CD9: variants seen among roughly 807,000 people sequenced by gnomAD.
CD9 encodes the protein CD9 molecule.
In CD9, 10 loss-of-function variants were observed where a neutral mutation model predicts 31.4. The observed-to-expected ratio is 0.32, with a 90% confidence interval of 0.20 to 0.54. The LOEUF (loss-of-function observed/expected upper bound fraction) is 0.54. CD9 is among the 20% of genes least tolerant of loss of function. CD9 has a pLI of 0.94. For synonymous variants in CD9, 113 were observed against 114.1 expected, an observed-to-expected ratio of 0.99 and a Z score of 0.06; for missense variants, 259 against 300.1, an observed-to-expected ratio of 0.86 and a Z score of 1.01.
intron 4 of CD9, among the ~76,000 whole-genome samples, chr12:6,234,022 T>C (rs1946484721): frequency 6.7e-6 from 1 of 149,802 alleles, no homozygotes. Context: ...AGGTGATTTA[T>C]ATCCAAAGTA....
chr12:6,228,573 A>C (rs1346639497), intron 2 of CD9, among the ~76,000 whole-genome samples: 6 of 151,810 alleles, frequency 4.0e-5, no homozygotes, highest in Middle Eastern at 3.4e-3. Context: ...AAAAAAAAAA[A>C]AAAAAAAACA....
At chr12:6,219,897 G>A (rs1946276228) in intron 1 of CD9, among the ~76,000 whole-genome samples, 1 of 152,176 alleles carries the variant, frequency 6.6e-6, no homozygotes, top group East Asian at 1.9e-4. Flanking sequence ...GATCTGGGTG[G>A]ATTTCAAATA....
rs1358364750 is a variant in CD9, at chr12:6,236,530, G to T, written c.621+255G>T. On this transcript the variant is annotated intron_variant, in intron 7 of 7. Coordinates refer to ENST00000009180, the MANE Select transcript of CD9 (RefSeq NM_001769.4). ...AGAGTCGACTCTCTTAGCCGTTAAG[G>T]TTCAGGGCACATGGGTGGCAGTGCT... The T allele has an allele frequency of 9.3e-6, 5 of 539,508 alleles. No homozygotes were observed. In the East Asian group the frequency reaches 1.5e-4, roughly 16 times the overall value. The allele number at this position is 539,508 out of a possible 1,614,324, so 33.4% of individuals were successfully genotyped here.
At chr12:6,202,650 C>T (rs1020414270) in intron 1 of CD9, among the ~76,000 whole-genome samples, 1 of 152,266 alleles carries the variant, frequency 6.6e-6, no homozygotes, top group Non-Finnish European at 1.5e-5. Context: ...GGCCTGCAAT[C>T]TGTCCGTACT....
chr12:6,203,736 C>T (rs1946099764), intron 1 of CD9, among the ~76,000 whole-genome samples: 1 of 152,146 alleles, frequency 6.6e-6, no homozygotes, highest in Non-Finnish European at 1.5e-5. Context: ...AAACATCTTG[C>T]TGATGTCCAT....
chr12:6,230,797 C>G (rs1384094928), intron 2 of CD9, among the ~76,000 whole-genome samples: 2 of 152,264 alleles, frequency 1.3e-5, no homozygotes, highest in African/African-American at 4.8e-5. Flanking sequence ...CATTTGTCCC[C>G]TTGCCCAGTG....
intron 1 of CD9, among the ~76,000 whole-genome samples, chr12:6,223,801 C>T (rs1026198429): frequency 5.9e-5 from 9 of 152,182 alleles, no homozygotes; most frequent in Admixed American, 5.9e-4. Flanking sequence ...GGGTCCAGGA[C>T]GGTGGAGACT....
At chr12:6,233,170 G>A in intron 3 of CD9, 2 of 661,032 alleles carry the variant, frequency 3.0e-6, no homozygotes, top group Non-Finnish European at 5.5e-6. Context: ...GCTAGTTCTG[G>A]GCTCAGCTGT....
At chr12:6,225,329 GGT>G (rs1475675811) in intron 1 of CD9, 95 bp from the exon 2 acceptor site, 1 of 774,980 alleles carries the variant, frequency 1.3e-6, no homozygotes, top group Non-Finnish European at 2.3e-6. Flanking sequence ...GACCAAGGGT[GGT>G]CACAAAGTCC....
At chr12:6,210,043 G>C (rs1257588577) in intron 1 of CD9, among the ~76,000 whole-genome samples, 2 of 152,188 alleles carry the variant, frequency 1.3e-5, no homozygotes, top group Admixed American at 1.3e-4. Flanking sequence ...GGGACACTTT[G>C]GCCTTCTTTG....
At chr12:6,223,621 T>C (rs1318824937) in intron 1 of CD9, among the ~76,000 whole-genome samples, 1 of 152,176 alleles carries the variant, frequency 6.6e-6, no homozygotes, top group Non-Finnish European at 1.5e-5. Flanking sequence ...ACTTGCCATG[T>C]ACAGAGTCAA....
At chr12:6,235,197 G>GTC (rs1199297566) in intron 4 of CD9, 32 bp from the exon 5 acceptor site, 1 of 1,456,754 alleles carries the variant, frequency 6.9e-7, no homozygotes, top group Non-Finnish European at 9.6e-7. Flanking sequence ...TGAAAATGCC[G>GTC]TCTCTGCCCC....
intron 1 of CD9, among the ~76,000 whole-genome samples, chr12:6,223,461 C>T (rs1362902037): frequency 6.6e-6 from 1 of 152,132 alleles, no homozygotes; most frequent in Non-Finnish European, 1.5e-5. Flanking sequence ...CGGGGTTTCA[C>T]TGTGTTAGCC....
intron 1 of CD9, among the ~76,000 whole-genome samples, chr12:6,211,156 C>A (rs1421858646): frequency 1.3e-5 from 2 of 152,190 alleles, no homozygotes; most frequent in East Asian, 3.9e-4. Flanking sequence ...AACTTTTGTG[C>A]CCCAGTTTTT....
chr12:6,223,261 CT>C (rs11307227), intron 1 of CD9, among the ~76,000 whole-genome samples: 77,684 of 133,090 alleles, frequency 0.58, 23,488 homozygotes, highest in African/African-American at 0.8. Context: ...CACCTTTGTA[CT>C]TTTTTTTTTT....
At chr12:6,231,612 G>A (rs1160504721) in intron 2 of CD9, among the ~76,000 whole-genome samples, 1 of 152,250 alleles carries the variant, frequency 6.6e-6, no homozygotes, top group Non-Finnish European at 1.5e-5. Flanking sequence ...GGTGGGTTGT[G>A]GAACGAATGG....
intron 1 of CD9, among the ~76,000 whole-genome samples, chr12:6,211,626 G>A (rs1455623889): frequency 2.6e-5 from 4 of 152,210 alleles, no homozygotes; most frequent in Non-Finnish European, 5.9e-5. Flanking sequence ...AAGAGTGTGT[G>A]CAGTCATCGC....
chr12:6,225,366 G>A (rs985095136), intron 1 of CD9, 60 bp from the exon 2 acceptor site: 64 of 1,115,354 alleles, frequency 5.7e-5, no homozygotes, highest in South Asian at 4.2e-4. Context: ...CCTTAAGCGC[G>A]TGGGGACTGT....
At chr12:6,227,574 C>T (rs913207415) in intron 2 of CD9, among the ~76,000 whole-genome samples, 1 of 152,182 alleles carries the variant, frequency 6.6e-6, no homozygotes, top group South Asian at 2.1e-4. Context: ...ATTTAATCCC[C>T]TTAGCTCTAC....
Sources: allele counts gnomAD v4.1 joint callset (sites outside exome capture counted in the v4.1 genomes callset), GRCh38; gene constraint gnomAD v4.1.1; transcripts MANE v1.5; gene names NCBI Gene and HGNC (gene_info 2026-07-23, HGNC 2026-07-21).